NTNG1: variants seen among roughly 807,000 people sequenced by gnomAD.
NTNG1 encodes the protein netrin-G1.
Under a neutral mutation model 54.0 loss-of-function variants are expected in NTNG1, and 16 were observed. That is an observed-to-expected ratio of 0.30 (90% CI 0.20 to 0.45). NTNG1 has a LOEUF of 0.45. NTNG1 is among the 20% of genes least tolerant of loss of function. NTNG1 has a pLI of 1.00. For synonymous variants in NTNG1, 255 were observed against 263.1 expected (o/e 0.97, Z 0.30); for missense variants, 530 against 678.7 (o/e 0.78, Z 2.43).
intron 7 of NTNG1, among the ~76,000 whole-genome samples, chr1:107,469,503 G>A (rs75760635): frequency 1.7e-3 from 253 of 152,032 alleles, no homozygotes; most frequent in African/African-American, 5.8e-3. Context: ...TATTTTTTGA[G>A]TCAGAGTCTC....
chr1:107,260,006 G>C (rs1387269014), intron 2 of NTNG1, among the ~76,000 whole-genome samples: 1 of 151,676 alleles, frequency 6.6e-6, no homozygotes, highest in Non-Finnish European at 1.5e-5. Context: ...TAGTAAAAAT[G>C]GTTCATTCTC....
chr1:107,412,575 C>T (rs1361344192), intron 5 of NTNG1, among the ~76,000 whole-genome samples: 2 of 152,108 alleles, frequency 1.3e-5, no homozygotes, highest in African/African-American at 2.4e-5. Flanking sequence ...TACACTGTGC[C>T]TTAGAAGACC....
chr1:107,243,073 G>A (rs534010518), intron 2 of NTNG1, among the ~76,000 whole-genome samples: 29 of 152,182 alleles, frequency 1.9e-4, no homozygotes, highest in Non-Finnish European at 4.0e-4. Flanking sequence ...GAAAATCCTC[G>A]TAACTTGTGA....
intron 2 of NTNG1, among the ~76,000 whole-genome samples, chr1:107,170,464 G>A (rs1656138072): frequency 6.6e-6 from 1 of 151,934 alleles, no homozygotes; most frequent in South Asian, 2.1e-4. Flanking sequence ...TTGATTAGCA[G>A]TCTTAAAAAA....
At chr1:107,446,152 G>T (rs1217966121) in intron 7 of NTNG1, among the ~76,000 whole-genome samples, 1 of 152,062 alleles carries the variant, frequency 6.6e-6, no homozygotes, top group East Asian at 1.9e-4. Context: ...GTATCACAGG[G>T]AGTTGAACTA....
chr1:107,361,374 CAT>C (rs1553232701), intron 3 of NTNG1, among the ~76,000 whole-genome samples: 26 of 87,956 alleles, frequency 3.0e-4, no homozygotes, highest in Middle Eastern at 0.011. Flanking sequence ...TATATATATA[CAT>C]ATATATATAT....
intron 2 of NTNG1, among the ~76,000 whole-genome samples, chr1:107,232,553 G>T (rs1661141440): frequency 6.6e-6 from 1 of 152,112 alleles, no homozygotes; most frequent in Admixed American, 6.5e-5. Context: ...TTTTGAAGTG[G>T]TCTCATAAAT....
Position 107,430,609 on chromosome 1 carries a change from C to A in NTNG1, c.1088-141C>A. The A allele has an allele frequency of 3.5e-6, 3 of 863,752 alleles. No individual in the cohort carries two copies. The South Asian group carries it at 4.0e-5, about 11-fold the overall frequency. 53.5% of individuals were successfully genotyped at this position (863,752 alleles called of 1,614,324 possible). A position where few individuals can be genotyped will look rare whatever the true frequency, so the allele number is the denominator to read the frequency against. On this transcript the variant is annotated intron_variant, in intron 5 of 7. Coordinates refer to ENST00000370068, the MANE Select transcript of NTNG1 (RefSeq NM_001113226.3). ...CCGTGCCAGTCACAACCACCTGTTG[C>A]CACCATGTGTTGTGTTGAATCACAT...
At chr1:107,161,408 C>A (rs1655385680) in intron 2 of NTNG1, among the ~76,000 whole-genome samples, 1 of 152,090 alleles carries the variant, frequency 6.6e-6, no homozygotes, top group African/African-American at 2.4e-5. Context: ...TGCCTGTAAT[C>A]CCAGCACTTT....
intron 2 of NTNG1, among the ~76,000 whole-genome samples, chr1:107,276,427 T>C (rs1283128920): frequency 6.6e-6 from 1 of 152,052 alleles, no homozygotes; most frequent in Admixed American, 6.6e-5. Flanking sequence ...TGCCTTTGCT[T>C]ATGCCATACC....
chr1:107,480,940 C>A lies in NTNG1; in HGVS notation c.*100C>A, dbSNP rs1321054076. On this transcript the variant is annotated 3_prime_UTR_variant, in exon 8 of 8. Transcript: ENST00000370068. ...TAGGAAACACACACATACAGACACCCCCACTCAGACAGTGTACAAACTAAG... is the reference window on the plus strand; with the variant it reads ...TAGGAAACACACACATACAGACACCACCACTCAGACAGTGTACAAACTAAG... The A allele has an allele frequency of 2.4e-6, 2 of 842,012 alleles. No homozygotes were observed. The highest frequency in any genetic ancestry group is 3.7e-6 in the Non-Finnish European group (2 of 533,438). 52.2% of individuals were successfully genotyped at this position (842,012 alleles called of 1,614,324 possible). A position where few individuals can be genotyped will look rare whatever the true frequency, so the allele number is the denominator to read the frequency against.
chr1:107,311,164 T>C (rs1388322862), intron 2 of NTNG1, among the ~76,000 whole-genome samples: 1 of 152,198 alleles, frequency 6.6e-6, no homozygotes, highest in East Asian at 1.9e-4. Context: ...CCTCCATGCA[T>C]GACCATTGTA....
rs768753048 is a variant in NTNG1 at position 107,324,752 on chromosome 1, T to C, written c.717T>C (p.Asn239=). ...FAFFAGPRLR[N]MASLYGQLDT... is the part of the protein sequence containing the mutation. ...TTTTTGCTGGACCTCGCCTACGCAATATGGCTTCCCTCTACGGACAGCTGG... is the reference window on the plus strand; with the variant it reads ...TTTTTGCTGGACCTCGCCTACGCAACATGGCTTCCCTCTACGGACAGCTGG... Residue 239 remains asparagine (N), a synonymous_variant, in exon 3 of 8, where the codon AAT becomes AAC. Coordinates refer to ENST00000370068, the MANE Select transcript of NTNG1 (RefSeq NM_001113226.3). 5.6e-6 allele frequency: 9 copies of C among 1,613,538 alleles called. No individual in the cohort carries two copies. The East Asian group carries it at 2.0e-4, about 36-fold the overall frequency.
chr1:107,181,032 C>A (rs1230630684), intron 2 of NTNG1, among the ~76,000 whole-genome samples: 1 of 152,168 alleles, frequency 6.6e-6, no homozygotes, highest in Non-Finnish European at 1.5e-5. Context: ...GCTGCAGATT[C>A]CCCTCCTGCA....
intron 1 of NTNG1, among the ~76,000 whole-genome samples, chr1:107,142,675 G>T (rs1331159881): frequency 7.6e-6 from 1 of 131,324 alleles, no homozygotes; most frequent in Non-Finnish European, 1.7e-5. Flanking sequence ...TTACAGAAAT[G>T]AAAAAAAAAA....
intron 2 of NTNG1, among the ~76,000 whole-genome samples, chr1:107,285,379 A>T (rs1395885851): frequency 1.3e-5 from 2 of 152,128 alleles, no homozygotes; most frequent in Non-Finnish European, 2.9e-5. Context: ...GTACCTTTTT[A>T]TAAAAGTGAA....
chr1:107,213,064 T>C (rs1453637217), intron 2 of NTNG1, among the ~76,000 whole-genome samples: 1 of 151,530 alleles, frequency 6.6e-6, no homozygotes, highest in Non-Finnish European at 1.5e-5. Flanking sequence ...TGCTACTAGA[T>C]AAAAGTGAAA....
chr1:107,160,901 A>G (rs760484797), intron 2 of NTNG1, among the ~76,000 whole-genome samples: 6 of 152,142 alleles, frequency 3.9e-5, no homozygotes, highest in Non-Finnish European at 8.8e-5. Context: ...ACCCTATTGA[A>G]ATGCATCCTC....
chr1:107,305,738 A>C (rs1416903215), intron 2 of NTNG1, among the ~76,000 whole-genome samples: 2 of 152,000 alleles, frequency 1.3e-5, no homozygotes, highest in African/African-American at 4.8e-5. Context: ...GAAGCTCTTT[A>C]GTTTAATTAG....
Sources: allele counts gnomAD v4.1 joint callset (sites outside exome capture counted in the v4.1 genomes callset), GRCh38; gene constraint gnomAD v4.1.1; transcripts MANE v1.5; gene names NCBI Gene and HGNC (gene_info 2026-07-23, HGNC 2026-07-21).